Variants in NT5DC3 observed in about 807,000 individuals in gnomAD.
The protein encoded by NT5DC3 is 5'-nucleotidase domain-containing protein 3.
NT5DC3 carries 42 observed loss-of-function variants against 67.8 expected under a neutral mutation model. The ratio of observed to expected loss-of-function variants is 0.62; its 90% CI spans 0.48 to 0.80. The LOEUF is 0.80. NT5DC3 is among the 30% of genes least tolerant of loss of function. The pLI is 0.00. For synonymous variants in NT5DC3, 237 were observed against 255.6 expected (o/e 0.93, Z 0.69); for missense variants, 570 against 696.4 (o/e 0.82, Z 2.04).
In NT5DC3 at chr12:103,806,924, T is replaced by C; in HGVS notation, c.399A>G (p.Pro133=). 6.3e-7 allele frequency: 1 copy of C among 1,593,020 alleles called. No individual in the cohort carries two copies. The highest frequency in any genetic ancestry group is 1.1e-5 in the South Asian group (1 of 90,638). The change falls in exon 3 of 14, where the codon CCA becomes CCG. Residue 133 remains proline (P), a synonymous_variant. Transcript: ENST00000392876. Reference sequence around the variant, plus strand: ...CATACTCATACTTCCTGATTTCTGCTGGATACTAAGAAAGAAGAAAGGAAC... The same window carrying C: ...CATACTCATACTTCCTGATTTCTGCCGGATACTAAGAAAGAAGAAAGGAAC... The part of the protein sequence containing the change: ...RDLLINEHRY[P]AEIRKYEYDP...
intron 1 of NT5DC3, among the ~76,000 whole-genome samples, chr12:103,840,524 G>C (rs937667269): frequency 2.4e-5 from 2 of 84,450 alleles, no homozygotes; most frequent in Non-Finnish European, 4.4e-5. Context: ...CAGCAGCCCC[G>C]CTCTTGGGCA....
At chr12:103,749,170 T>C in the NT5DC3 span, 1 of 1,584,454 alleles carries the variant, frequency 6.3e-7, no homozygotes, top group Non-Finnish European at 8.6e-7. Context: ...AGTCGCTCTT[T>C]CCCAGGGAAA....
At chr12:103,754,517 C>T in the NT5DC3 span, among the ~76,000 whole-genome samples, 1 of 152,028 alleles carries the variant, frequency 6.6e-6, no homozygotes, top group Non-Finnish European at 1.5e-5. Context: ...TGCAAGAGAA[C>T]CTGACCCCAG....
chr12:103,808,703 T>C (rs1051095898), intron 2 of NT5DC3, among the ~76,000 whole-genome samples: 1 of 152,218 alleles, frequency 6.6e-6, no homozygotes, highest in South Asian at 2.1e-4. Context: ...TTTGCAGACA[T>C]AATTGACAAG....
intron 1 of NT5DC3, among the ~76,000 whole-genome samples, chr12:103,829,576 G>C (rs1343002085): frequency 6.6e-6 from 1 of 152,088 alleles, no homozygotes; most frequent in Non-Finnish European, 1.5e-5. Flanking sequence ...TCTTGTATCT[G>C]ATCTGACAAT....
chr12:103,806,246 A>T (rs1412527452), intron 4 of NT5DC3, 76 bp downstream of exon 4: 1 of 877,362 alleles, frequency 1.1e-6, no homozygotes, highest in Non-Finnish European at 1.9e-6. Context: ...CTTCATCATT[A>T]AACAGTCAGA....
intron 2 of NT5DC3, among the ~76,000 whole-genome samples, chr12:103,808,492 T>C (rs1389615919): frequency 6.6e-6 from 1 of 152,236 alleles, no homozygotes; most frequent in Non-Finnish European, 1.5e-5. Context: ...GGGTTCCATT[T>C]GTACAAAAAC....
At chr12:103,803,472 G>GT (rs1053390154) in intron 4 of NT5DC3, among the ~76,000 whole-genome samples, 111 of 152,160 alleles carry the variant, frequency 7.3e-4, no homozygotes, top group African/African-American at 2.5e-3. Flanking sequence ...TACATGAAAA[G>GT]TTTTTTGTTT....
chr12:103,766,159 A>G, downstream of NT5DC3: 1 of 1,288,286 alleles, frequency 7.8e-7, no homozygotes, highest in Non-Finnish European at 1.1e-6. Flanking sequence ...ACAAACAAAC[A>G]CGCCCAGCAC....
Position 103,840,996 on chromosome 12 carries a change from T to A in NT5DC3, c.161A>T (p.Lys54Met). The stretch of plus-strand genomic sequence containing the variant: ...CCGGTAGCGCTCCCACAGGTAGCGC[T>A]TCATGTCCGGGGCGGTCCCGGGTGC... Reference protein sequence around the residue: ...CTAPGTAPDMKRYLWERYREA... With the variant: ...CTAPGTAPDMMRYLWERYREA... Residue 54 changes from lysine to methionine, a missense_variant, in exon 1 of 14, where the codon AAG (lysine) becomes ATG (methionine). Lys to Met is a moderately conservative substitution (Grantham distance 95). Transcript: ENST00000392876. 7.6e-7 allele frequency: 1 copy of A among 1,317,912 alleles called. No individual in the cohort carries two copies. The highest frequency in any genetic ancestry group is 9.7e-7 in the Non-Finnish European group (1 of 1,029,324). 81.6% of individuals were successfully genotyped at this position (1,317,912 alleles called of 1,614,324 possible). A position where few individuals can be genotyped will look rare whatever the true frequency, so the allele number is the denominator to read the frequency against.
intron 2 of NT5DC3, among the ~76,000 whole-genome samples, chr12:103,812,934 T>TG (rs1887097398): frequency 1.3e-5 from 2 of 152,262 alleles, no homozygotes; most frequent in African/African-American, 4.8e-5. Flanking sequence ...AAAGCACTGT[T>TG]ACTACGCCCA....
intron 1 of NT5DC3, among the ~76,000 whole-genome samples, chr12:103,839,802 T>G (rs1312367274): frequency 2.0e-5 from 3 of 152,200 alleles, no homozygotes; most frequent in Non-Finnish European, 4.4e-5. Flanking sequence ...GAATTCTGCA[T>G]TGCTAGTCAT....
At chr12:103,755,200 T>C in the NT5DC3 span, 1 of 1,503,758 alleles carries the variant, frequency 6.7e-7, no homozygotes, top group Non-Finnish European at 9.0e-7. Context: ...AAAGTGAGAC[T>C]TTATGGGTTT....
intron 1 of NT5DC3, among the ~76,000 whole-genome samples, chr12:103,823,756 A>G (rs145853099): frequency 1.3e-5 from 2 of 152,242 alleles, no homozygotes; most frequent in African/African-American, 2.4e-5. Context: ...GAAAATAAGC[A>G]TAGGCATTTT....
At chr12:103,758,156 C>T in the NT5DC3 span, 6 of 1,613,938 alleles carry the variant, frequency 3.7e-6, no homozygotes, top group Non-Finnish European at 5.1e-6. Flanking sequence ...TGATGACTTC[C>T]TTCTTCTCCC....
intron 12 of NT5DC3, among the ~76,000 whole-genome samples, chr12:103,782,771 G>A (rs182395916): frequency 4.1e-4 from 63 of 152,244 alleles, no homozygotes; most frequent in African/African-American, 1.4e-3. Flanking sequence ...GACACTCTGT[G>A]AGGTCAGGAG....
At position 103,815,089 on chromosome 12, in the gene NT5DC3, T is replaced by C. The variant is rs1295148916; in HGVS notation, c.241A>G (p.Asn81Asp). ...LVPSIMSNLL[N>D]PDAIFSNNEM... ...TTGTTTGAGAAAATGGCATCTGGAT[T>C]CAACAAGTTGCTCATAATGGAAGGA... Residue 81 changes from asparagine to aspartate, a missense_variant, in exon 2 of 14, where the codon AAT becomes GAT. By Grantham distance (23) the Asn-to-Asp change is conservative. Coordinates refer to ENST00000392876, the MANE Select transcript of NT5DC3 (RefSeq NM_001031701.3). 2.5e-6 allele frequency: 4 copies of C among 1,613,002 alleles called. No homozygotes were observed. Among genetic ancestry groups the C allele is most frequent in the Non-Finnish European group, 3.4e-6 (4 of 1,179,544 alleles).
chr12:103,794,135 G>T, intron 6 of NT5DC3, 138 bp from the exon 7 acceptor site: 3 of 580,628 alleles, frequency 5.2e-6, no homozygotes, highest in East Asian at 3.8e-5. Context: ...TCTAAATTCT[G>T]GTCCATTTTC....
chr12:103,837,033 A>T (rs1034710910), intron 1 of NT5DC3, among the ~76,000 whole-genome samples: 1 of 152,206 alleles, frequency 6.6e-6, no homozygotes, highest in African/African-American at 2.4e-5. Context: ...CCGTCTCTGC[A>T]GCAAACTTTT....
Sources: allele counts gnomAD v4.1 joint callset (sites outside exome capture counted in the v4.1 genomes callset), GRCh38; gene constraint gnomAD v4.1.1; transcripts MANE v1.5; gene names NCBI Gene and HGNC (gene_info 2026-07-23, HGNC 2026-07-21).